MNAT1: variants seen among roughly 807,000 people sequenced by gnomAD.
MNAT1 encodes the protein CDK-activating kinase assembly factor MAT1.
MNAT1 carries 43 observed loss-of-function variants against 42.0 expected under a neutral mutation model. The observed-to-expected ratio is 1.02, with a 90% confidence interval of 0.80 to 1.32. The LOEUF (loss-of-function observed/expected upper bound fraction) is 1.32. Among genes scored for constraint, MNAT1 ranks in the 40% most tolerant of loss-of-function variants. MNAT1 has a pLI of 0.00. For missense variants in MNAT1, 306 were observed against 350.4 expected, an observed-to-expected ratio of 0.87 and a Z score of 1.01; for synonymous variants, 118 against 120.0, an observed-to-expected ratio of 0.98 and a Z score of 0.11.
chr14:60,866,087 A>G (rs2034196452), intron 6 of MNAT1, among the ~76,000 whole-genome samples: 1 of 152,150 alleles, frequency 6.6e-6, no homozygotes, highest in Non-Finnish European at 1.5e-5. Context: ...CTAAAGTTGA[A>G]AACAACAAAA....
At chr14:60,742,972 C>T (rs546919365) in intron 1 of MNAT1, among the ~76,000 whole-genome samples, 6 of 152,246 alleles carry the variant, frequency 3.9e-5, no homozygotes, top group African/African-American at 7.2e-5. Context: ...TACAAGTTTT[C>T]GTATGGACAA....
chr14:60,749,864 T>C lies in MNAT1; in HGVS notation c.89+14913T>C, dbSNP rs140711088. ...CTTCAGGTTTCAAATGTGTTAAGCC[T>C]ATTTTCCAAGAAAAAAATAAGACAA... On this transcript the variant is annotated intron_variant, in intron 1 of 7. Coordinates refer to ENST00000261245, the MANE Select transcript of MNAT1 (RefSeq NM_002431.4). 1.7e-3 allele frequency among the ~76,000 whole-genome samples: 262 copies of C among 152,342 alleles called. 1 individual carries two copies. Among genetic ancestry groups the C allele is most frequent in the African/African-American group, 5.6e-3 (232 of 41,590 alleles).
At chr14:60,865,187 G>A (rs1016178650) in intron 6 of MNAT1, among the ~76,000 whole-genome samples, 5 of 151,814 alleles carry the variant, frequency 3.3e-5, no homozygotes, top group Non-Finnish European at 7.4e-5. Flanking sequence ...ATCTTTTCAC[G>A]GAAAAATATT....
At chr14:60,942,418 G>A (rs2036183172) in intron 7 of MNAT1, among the ~76,000 whole-genome samples, 1 of 150,384 alleles carries the variant, frequency 6.6e-6, no homozygotes, top group African/African-American at 2.4e-5. Flanking sequence ...ACAAGAAAGG[G>A]GCCCTTATTG....
intron 1 of MNAT1, 44 bp from the exon 2 acceptor site, chr14:60,796,173 T>G: frequency 1.3e-6 from 2 of 1,565,414 alleles, no homozygotes; most frequent in Non-Finnish European, 1.7e-6. Flanking sequence ...TGTTGTAGAT[T>G]TGAACATTGG....
intron 7 of MNAT1, among the ~76,000 whole-genome samples, chr14:60,934,483 A>AG (rs1282657047): frequency 6.6e-6 from 1 of 152,102 alleles, no homozygotes; most frequent in Non-Finnish European, 1.5e-5. Context: ...AATTGAATCA[A>AG]GGGGGCGGGT....
intron 5 of MNAT1, 38 bp downstream of exon 5, chr14:60,812,165 C>G: frequency 6.7e-7 from 1 of 1,483,076 alleles, no homozygotes; most frequent in East Asian, 2.4e-5. Flanking sequence ...AAAAAACATT[C>G]TTCAGGATTT....
chr14:60,805,441 G>C (rs1043203315), intron 3 of MNAT1, among the ~76,000 whole-genome samples: 2 of 152,060 alleles, frequency 1.3e-5, no homozygotes, highest in Non-Finnish European at 2.9e-5. Context: ...TTTACACTAG[G>C]ATTCATTTTT....
chr14:60,958,616 C>CTTCT (rs199916339), intron 7 of MNAT1, among the ~76,000 whole-genome samples: 3 of 20,244 alleles, frequency 1.5e-4, no homozygotes, highest in African/African-American at 2.9e-4. Flanking sequence ...TTTCTTTTTC[C>CTTCT]TTCTTTCGAG....
chr14:60,777,958 C>G (rs1237990768), intron 1 of MNAT1, among the ~76,000 whole-genome samples: 1 of 152,152 alleles, frequency 6.6e-6, no homozygotes, highest in Admixed American at 6.5e-5. Flanking sequence ...CAAACCAGAG[C>G]AGTCTGAGAA....
At chr14:60,775,155 G>A (rs1322428365) in intron 1 of MNAT1, among the ~76,000 whole-genome samples, 2 of 152,182 alleles carry the variant, frequency 1.3e-5, no homozygotes, top group Non-Finnish European at 2.9e-5. Context: ...AGAGAGACAG[G>A]TAATAGGAAA....
At chr14:60,828,861 A>C (rs1311853195) in intron 6 of MNAT1, among the ~76,000 whole-genome samples, 1 of 152,266 alleles carries the variant, frequency 6.6e-6, no homozygotes, top group South Asian at 2.1e-4. Flanking sequence ...AAAGAATATT[A>C]CAAAGAATAC....
At chr14:60,810,068 G>T (rs1193235212) in intron 4 of MNAT1, among the ~76,000 whole-genome samples, 26 of 151,958 alleles carry the variant, frequency 1.7e-4, no homozygotes, top group Admixed American at 1.7e-3. Context: ...ATTTGGTCTT[G>T]GTAGGTTGTA....
At chr14:60,908,538 G>A (rs1288767097) in intron 7 of MNAT1, among the ~76,000 whole-genome samples, 1 of 147,300 alleles carries the variant, frequency 6.8e-6, no homozygotes, top group Non-Finnish European at 1.5e-5. Context: ...TGTTCTCATT[G>A]TTCAATTCCC....
chr14:60,836,426 G>T (rs925229844), intron 6 of MNAT1, among the ~76,000 whole-genome samples: 2 of 152,148 alleles, frequency 1.3e-5, no homozygotes, highest in Admixed American at 1.3e-4. Flanking sequence ...TTTTTGTGTG[G>T]ACATCCTTTT....
At chr14:60,845,582 T>G (rs895173444) in intron 6 of MNAT1, among the ~76,000 whole-genome samples, 4 of 152,032 alleles carry the variant, frequency 2.6e-5, no homozygotes, top group African/African-American at 9.7e-5. Context: ...AGCATATGAT[T>G]TAATAATTTT....
intron 7 of MNAT1, among the ~76,000 whole-genome samples, chr14:60,938,911 C>T (rs1470037167): frequency 6.6e-6 from 1 of 152,080 alleles, no homozygotes; most frequent in Non-Finnish European, 1.5e-5. Flanking sequence ...AATTTCAGAG[C>T]CTGTTATTGG....
intron 7 of MNAT1, among the ~76,000 whole-genome samples, chr14:60,908,018 T>C (rs938940845): frequency 5.9e-5 from 9 of 152,110 alleles, no homozygotes; most frequent in Non-Finnish European, 1.0e-4. Context: ...AGAGATAAAT[T>C]GATGAATCTA....
At chr14:60,797,351 C>T (rs2300471) in intron 2 of MNAT1, among the ~76,000 whole-genome samples, 144,009 of 152,170 alleles carry the variant, frequency 0.95, 68,420 homozygotes, top group Non-Finnish European at 0.99. Context: ...TTTCTTGATC[C>T]AGTATTTTTT....
Sources: allele counts gnomAD v4.1 joint callset (sites outside exome capture counted in the v4.1 genomes callset), GRCh38; gene constraint gnomAD v4.1.1; transcripts MANE v1.5; gene names NCBI Gene and HGNC (gene_info 2026-07-23, HGNC 2026-07-21).